Variants in DMD observed in about 807,000 individuals in gnomAD.
DMD encodes mutant dystrophin.
In DMD, 63 loss-of-function variants were observed where a neutral mutation model predicts 330.1. That is an observed-to-expected ratio of 0.19 (90% CI 0.16 to 0.24). The LOEUF is 0.24. DMD is among the 10% of genes least tolerant of loss of function. The pLI is 1.00. For synonymous variants in DMD, 1,223 were observed against 959.8 expected, an observed-to-expected ratio of 1.27 and a Z score of -5.07; for missense variants, 3,344 against 2,684.1, an observed-to-expected ratio of 1.25 and a Z score of -5.43.
chrX:33,302,384 T>G (rs2053678724), intron 1 of DMD, among the ~76,000 whole-genome samples: 1 of 111,895 alleles, frequency 8.9e-6, no homozygotes, highest in Non-Finnish European at 1.9e-5. Context: ...GCATGCCCAC[T>G]TCACTGACTC....
intron 63 of DMD, among the ~76,000 whole-genome samples, chrX:31,234,155 A>C (rs1031886097): frequency 9.0e-6 from 1 of 111,670 alleles, no homozygotes; most frequent in Non-Finnish European, 1.9e-5. Flanking sequence ...GCTTGGCCCC[A>C]GGAGGCATTT....
At chrX:32,947,005 A>G (rs1286287816) in intron 2 of DMD, among the ~76,000 whole-genome samples, 1 of 112,322 alleles carries the variant, frequency 8.9e-6, no homozygotes, top group Non-Finnish European at 1.9e-5. Flanking sequence ...CTAAGATTAA[A>G]ACTTAAGGCT....
At chrX:32,578,244 T>C (rs1383941808) in intron 13 of DMD, among the ~76,000 whole-genome samples, 1 of 112,670 alleles carries the variant, frequency 8.9e-6, no homozygotes, top group East Asian at 2.8e-4. Flanking sequence ...GAGTTTCTAT[T>C]TACGTATAGG....
Position 33,309,411 on chromosome X carries a change from C to T in DMD, c.7+29848G>A, listed in dbSNP as rs1361196716. ...ACAAATTGAGTATATGGTTTAAGTC[C>T]CTTAATATTCAGTGAGAAGAAATGC... On this transcript the variant is annotated intron_variant, in intron 1 of 17. Coordinates refer to the DMD transcript ENST00000288447. Among the ~76,000 whole-genome samples the T allele has an allele frequency of 2.7e-5, 3 of 110,059 alleles. No homozygotes were observed. In the Admixed American group the frequency reaches 2.9e-4, roughly 11 times the overall value.
At chrX:32,922,680 C>T (rs774805278) in intron 2 of DMD, among the ~76,000 whole-genome samples, 2 of 112,465 alleles carry the variant, frequency 1.8e-5, no homozygotes, top group South Asian at 7.4e-4. Context: ...CAGGCTTGCC[C>T]GGGGCTCACT....
chrX:33,304,688 A>G (rs2053725163), intron 1 of DMD, among the ~76,000 whole-genome samples: 1 of 102,172 alleles, frequency 9.8e-6, no homozygotes, highest in African/African-American at 3.6e-5. Flanking sequence ...GCTAATATCC[A>G]GAATCTACAA....
upstream of DMD, among the ~76,000 whole-genome samples, chrX:33,212,548 C>A (rs986705804): frequency 9.0e-6 from 1 of 111,298 alleles, no homozygotes; most frequent in Non-Finnish European, 1.9e-5. Flanking sequence ...TTTTATTGTA[C>A]CATTTGTTAA....
chrX:32,107,734 T>A (rs2096571456), intron 44 of DMD, among the ~76,000 whole-genome samples: 1 of 111,027 alleles, frequency 9.0e-6, no homozygotes, highest in Non-Finnish European at 1.9e-5. Flanking sequence ...ATTTAAATGT[T>A]AATCTCATCT....
chrX:31,529,714 C>T (rs1049603423), intron 55 of DMD, among the ~76,000 whole-genome samples: 1 of 111,840 alleles, frequency 8.9e-6, no homozygotes, highest in Non-Finnish European at 1.9e-5. Context: ...CCCAGGTGCC[C>T]TCTCACCGTG....
At chrX:32,647,466 G>T (rs1488126452) in intron 9 of DMD, among the ~76,000 whole-genome samples, 1 of 111,476 alleles carries the variant, frequency 9.0e-6, no homozygotes, top group Non-Finnish European at 1.9e-5. Context: ...TTCAAATGCA[G>T]CAAGAAGGCA....
intron 44 of DMD, among the ~76,000 whole-genome samples, chrX:32,165,049 G>T (rs1476143469): frequency 8.9e-6 from 1 of 112,500 alleles, no homozygotes; most frequent in Non-Finnish European, 1.9e-5. Context: ...GAAGTCTGCT[G>T]CAGGAATGAA....
intron 44 of DMD, among the ~76,000 whole-genome samples, chrX:32,123,110 T>A (rs1412242005): frequency 9.8e-6 from 1 of 101,742 alleles, no homozygotes; most frequent in Non-Finnish European, 2.0e-5. Flanking sequence ...TTGTCTCAGG[T>A]AAATGTGTGT....
chrX:32,670,714 T>C (rs780530974), intron 9 of DMD, among the ~76,000 whole-genome samples: 1 of 112,478 alleles, frequency 8.9e-6, no homozygotes, highest in Non-Finnish European at 1.9e-5. Context: ...GTTGAGAAGA[T>C]GTAATTATTT....
chrX:31,414,897 C>T (rs750996258), intron 60 of DMD, among the ~76,000 whole-genome samples: 1 of 112,207 alleles, frequency 8.9e-6, no homozygotes, highest in African/African-American at 3.2e-5. Flanking sequence ...GCAGTGAATA[C>T]CACAGACAAC....
intron 48 of DMD, among the ~76,000 whole-genome samples, chrX:31,858,724 A>T (rs2093655079): frequency 9.0e-6 from 1 of 111,092 alleles, no homozygotes; most frequent in African/African-American, 3.3e-5. Flanking sequence ...CAGTTTTGAC[A>T]AATATATATA....
chrX:32,291,326 T>C (rs2097467146), intron 42 of DMD, among the ~76,000 whole-genome samples: 1 of 112,269 alleles, frequency 8.9e-6, no homozygotes, highest in Non-Finnish European at 1.9e-5. Flanking sequence ...CACTCACCTC[T>C]TCAACTAGAT....
At chrX:32,558,688 A>G (rs998185124) in intron 16 of DMD, among the ~76,000 whole-genome samples, 3 of 111,661 alleles carry the variant, frequency 2.7e-5, no homozygotes, top group Non-Finnish European at 5.6e-5. Flanking sequence ...GATGGCCACT[A>G]TAGAAATCTG....
At chrX:31,833,383 CAG>C (rs1234801641) in intron 49 of DMD, among the ~76,000 whole-genome samples, 3 of 46,604 alleles carry the variant, frequency 6.4e-5, no homozygotes, top group Admixed American at 4.9e-4. Flanking sequence ...GAGAGAGAGA[CAG>C]AGAGAGAGAA....
intron 51 of DMD, among the ~76,000 whole-genome samples, chrX:31,766,820 ATATGG>A (rs1480490013): frequency 9.0e-6 from 1 of 111,308 alleles, no homozygotes; most frequent in East Asian, 2.8e-4. Context: ...AGAAAAAAGC[ATATGG>A]TATCATTTTC....
Sources: gnomAD v4.1 joint callset for allele counts (sites outside exome capture counted in the v4.1 genomes callset) on GRCh38, gnomAD v4.1.1 for gene constraint, MANE v1.5 for transcripts, NCBI Gene and HGNC (gene_info 2026-07-23, HGNC 2026-07-21) for gene names.